COPE: variants seen among roughly 807,000 people sequenced by gnomAD.
The protein encoded by COPE is coat protein complex I subunit epsilon.
A neutral mutation model predicts 42.1 loss-of-function variants in COPE; 19 were observed. The observed-to-expected ratio is 0.45, with a 90% CI of 0.31 to 0.66. The LOEUF (loss-of-function observed/expected upper bound fraction) is 0.66, where lower values mean the gene tolerates loss of function less well. COPE is among the 30% of genes least tolerant of loss of function. The pLI is 0.05. For synonymous variants in COPE, 195 were observed against 181.3 expected, an observed-to-expected ratio of 1.08 and a Z score of -0.60; for missense variants, 402 against 416.1, an observed-to-expected ratio of 0.97 and a Z score of 0.30.
chr19:18,906,932 C>T (rs2056765248), intron 4 of COPE, 28 bp downstream of exon 4: 3 of 1,541,198 alleles, frequency 1.9e-6, no homozygotes, highest in Non-Finnish European at 2.6e-6. Flanking sequence ...CCTCCCTGGG[C>T]TGGCCCCAGA....
At chr19:18,900,297 G>T in intron 8 of COPE, 84 bp downstream of exon 8, 2 of 1,135,786 alleles carry the variant, frequency 1.8e-6, no homozygotes, top group Non-Finnish European at 2.5e-6. Context: ...TTTCCCAGGG[G>T]CCTAGGGATT....
intron 4 of COPE, 137 bp downstream of exon 4, chr19:18,906,823 C>T (rs2145063743): frequency 9.6e-7 from 1 of 1,043,980 alleles, no homozygotes; most frequent in Non-Finnish European, 1.3e-6. Flanking sequence ...GGAGCCTGGA[C>T]AGCAGGCCAG....
intron 3 of COPE, 105 bp from the exon 4 acceptor site, chr19:18,907,217 C>T: frequency 1.6e-6 from 2 of 1,275,954 alleles, no homozygotes; most frequent in East Asian, 2.5e-5. Context: ...GTGAGCCAGG[C>T]CCTGGGGGTG....
chr19:18,903,461 C>A, intron 6 of COPE, 38 bp from the exon 7 acceptor site: 1 of 1,560,984 alleles, frequency 6.4e-7, no homozygotes, highest in Admixed American at 1.8e-5. Context: ...TGTGCCCCTG[C>A]TGCCCGGCCC....
At position 18,899,785 on chromosome 19, in the gene COPE, G is replaced by GGA. The variant is rs1199954280; in HGVS notation, c.880-61_880-60dup. On this transcript the variant is annotated intron_variant, in intron 9 of 9. Coordinates refer to ENST00000262812, the MANE Select transcript of COPE (RefSeq NM_007263.4). ...GCAGGGTGTGGGGAGACAGGTGGAG[G>GGA]GAGAGAGAGAGGGCGCATGTGAGCC... 2.5e-6 allele frequency: 4 copies of GGA among 1,610,694 alleles called. No homozygotes were observed. The South Asian group carries it at 3.3e-5, about 13-fold the overall frequency.
Position 18,899,861 on chromosome 19 carries a change from C to T in COPE, c.879+12G>A. 6.2e-7 allele frequency: 1 copy of T among 1,612,768 alleles called. No individual in the cohort carries two copies. On this transcript the variant is annotated intron_variant, in intron 9 of 9. Transcript: ENST00000262812. ...GCCTGGTTCTCGGGGACAGGCCATC[C>T]CCACCACTCACCTTGGCCTGGTACT... is the stretch of plus-strand genomic sequence containing the variant.
At chr19:18,900,103 T>C in intron 8 of COPE, 156 bp from the exon 9 acceptor site, 1 of 534,916 alleles carries the variant, frequency 1.9e-6, no homozygotes, top group Non-Finnish European at 3.2e-6. Context: ...ACCTTCAGGG[T>C]GGGGGTGGAG....
intron 7 of COPE, among the ~76,000 whole-genome samples, chr19:18,901,272 G>A (rs190198156): frequency 2.0e-5 from 3 of 152,386 alleles, no homozygotes; most frequent in African/African-American, 7.2e-5. Flanking sequence ...GTCACGGAAC[G>A]TGTCACCTGA....
chr19:18,901,004 T>C (rs1003869095), intron 7 of COPE, among the ~76,000 whole-genome samples: 47 of 152,198 alleles, frequency 3.1e-4, no homozygotes, highest in Non-Finnish European at 1.3e-4. Context: ...CGGCGGCCCA[T>C]GGCAGGGCAC....
rs58001699 is a variant in COPE at position 18,908,522 on chromosome 19, T to TC, written c.291-1411_291-1410insG. Among the ~76,000 whole-genome samples the TC allele has an allele frequency of 1.4e-3, 23 of 15,906 alleles. 1 individual carries two copies. The highest frequency in any genetic ancestry group is 0.013 in the Admixed American group (14 of 1,056). 10.4% of individuals were successfully genotyped at this position (15,906 alleles called of 152,430 possible). A position where few individuals can be genotyped will look rare whatever the true frequency, so the allele number is the denominator to read the frequency against. On this transcript the variant is annotated intron_variant, in intron 3 of 9. Transcript: ENST00000262812. ...GCAACATGGCAAAACCCCATCTCTC[T>TC]TTTTTTTTTTTTGAGACGGAGTCTC...
chr19:18,913,892 G>T (rs866907542), intron 1 of COPE, among the ~76,000 whole-genome samples: 1 of 152,188 alleles, frequency 6.6e-6, no homozygotes, highest in Non-Finnish European at 1.5e-5. Flanking sequence ...CAAACCAGGG[G>T]GAGTCACTCT....
At chr19:18,916,316 G>A (rs1191066224) in intron 1 of COPE, among the ~76,000 whole-genome samples, 1 of 150,790 alleles carries the variant, frequency 6.6e-6, no homozygotes, top group Non-Finnish European at 1.5e-5. Flanking sequence ...TTGTGCCACT[G>A]CACTCCAGCC....
intron 1 of COPE, among the ~76,000 whole-genome samples, chr19:18,914,978 G>A (rs1231423072): frequency 2.0e-5 from 3 of 151,860 alleles, no homozygotes; most frequent in African/African-American, 4.8e-5. Context: ...CAGCCGCCTC[G>A]GCCTCCCAAA....
At chr19:18,911,293 C>T (rs1440806005) in intron 2 of COPE, 20 of 568,472 alleles carry the variant, frequency 3.5e-5, no homozygotes, top group East Asian at 2.3e-4. Context: ...CTGCCCATGC[C>T]TTGAGCTAGG....
Position 18,919,307 on chromosome 19 carries a change from CCCGGAGCCG to C in COPE, c.33_41del (p.Gly12_Gly14del), listed in dbSNP as rs764340347. On this transcript the variant is annotated inframe_deletion, in exon 1 of 10. Transcript: ENST00000262812. ...TTACGTCGAACAGCTCGTCTACCTCCCCGGAGCCGCCGGAGGCCGGGCCGGGGGCCGGAG... is the reference window on the plus strand; with the variant it reads ...TTACGTCGAACAGCTCGTCTACCTCCCCGGAGGCCGGGCCGGGGGCCGGAG... 2 of 1,613,752 alleles carry C rather than the reference CCCGGAGCCG, an allele frequency of 1.2e-6. No individual in the cohort carries two copies. The highest frequency in any genetic ancestry group is 1.7e-6 in the Non-Finnish European group (2 of 1,179,984).
At chr19:18,912,320 A>C (rs941576657) in intron 2 of COPE, among the ~76,000 whole-genome samples, 1 of 151,542 alleles carries the variant, frequency 6.6e-6, no homozygotes, top group African/African-American at 2.4e-5. Context: ...CTTATTTTTT[A>C]ATTTTTTTTT....
chr19:18,913,973 G>A (rs1339252135), intron 1 of COPE, among the ~76,000 whole-genome samples: 1 of 152,140 alleles, frequency 6.6e-6, no homozygotes, highest in South Asian at 2.1e-4. Flanking sequence ...CCTGAGGGAG[G>A]AGCGTGGATG....
chr19:18,903,183 T>C, intron 7 of COPE, 85 bp downstream of exon 7: 1 of 1,400,592 alleles, frequency 7.1e-7, no homozygotes, highest in Non-Finnish European at 9.4e-7. Flanking sequence ...GGGTCTCTGC[T>C]ACACTTGTTT....
intron 3 of COPE, 121 bp from the exon 4 acceptor site, chr19:18,907,233 C>G: frequency 9.6e-7 from 1 of 1,043,018 alleles, no homozygotes; most frequent in Non-Finnish European, 1.4e-6. Flanking sequence ...GGGTGCAGAG[C>G]AGCAGCAGGC....
Sources: allele counts gnomAD v4.1 joint callset (sites outside exome capture counted in the v4.1 genomes callset), GRCh38; gene constraint gnomAD v4.1.1; transcripts MANE v1.5; gene names NCBI Gene and HGNC (gene_info 2026-07-23, HGNC 2026-07-21).